The following ATAD2B variants were observed in gnomAD, a reference collection of about 807,000 sequenced individuals.
ATAD2B encodes the protein ATPase family AAA domain containing 2B.
A neutral mutation model predicts 167.6 loss-of-function variants in ATAD2B; 40 were observed. The ratio of observed to expected loss-of-function variants is 0.24; its 90% CI spans 0.19 to 0.31. The LOEUF (loss-of-function observed/expected upper bound fraction) is 0.31. ATAD2B is among the 10% of genes least tolerant of loss of function. The pLI, the probability that ATAD2B is intolerant of heterozygous loss-of-function variation, is 1.00. For missense variants in ATAD2B, 1,242 were observed against 1,757.2 expected, an observed-to-expected ratio of 0.71 and a Z score of 5.24; for synonymous variants, 579 against 596.5, an observed-to-expected ratio of 0.97 and a Z score of 0.43.
intron 8 of ATAD2B, 71 bp from the exon 9 acceptor site, chr2:23,869,832 C>A: frequency 1.1e-6 from 1 of 915,120 alleles, no homozygotes; most frequent in South Asian, 1.6e-5. Flanking sequence ...ACTGTAATAT[C>A]TACAATTAGC....
At chr2:23,885,875 T>C in intron 4 of ATAD2B, 46 bp from the exon 5 acceptor site, 3 of 1,148,430 alleles carry the variant, frequency 2.6e-6, no homozygotes, top group Non-Finnish European at 3.8e-6. Context: ...GGTGGCACCA[T>C]ATACATAAAA....
the ATAD2B span, chr2:23,692,000 C>A: frequency 1.1e-6 from 1 of 913,788 alleles, no homozygotes; most frequent in Non-Finnish European, 1.7e-6. Context: ...TCACATGTGG[C>A]TGAGTTTGGC....
intron 23 of ATAD2B, among the ~76,000 whole-genome samples, chr2:23,764,751 C>A (rs528891611): frequency 3.9e-5 from 6 of 152,306 alleles, no homozygotes; most frequent in South Asian, 4.1e-4. Flanking sequence ...ACCTCTTGAG[C>A]CCTATTTCCA....
At chr2:23,877,500 G>C (rs747206875) in intron 7 of ATAD2B, among the ~76,000 whole-genome samples, 1 of 81,574 alleles carries the variant, frequency 1.2e-5, no homozygotes, top group South Asian at 6.2e-4. Flanking sequence ...GGGAAGGGAA[G>C]GGAAGGGGAG....
intron 17 of ATAD2B, among the ~76,000 whole-genome samples, chr2:23,818,525 T>C (rs1686955581): frequency 6.6e-6 from 1 of 151,628 alleles, no homozygotes; most frequent in African/African-American, 2.4e-5. Flanking sequence ...TTAAAGAACA[T>C]ATGAAGAAAA....
At chr2:23,772,253 C>T (rs1370902693) in intron 22 of ATAD2B, among the ~76,000 whole-genome samples, 1 of 151,952 alleles carries the variant, frequency 6.6e-6, no homozygotes, top group Non-Finnish European at 1.5e-5. Flanking sequence ...GAAAACCAAA[C>T]TTTAATAGTT....
At chr2:23,678,484 C>T in the ATAD2B span, among the ~76,000 whole-genome samples, 10 of 152,192 alleles carry the variant, frequency 6.6e-5, no homozygotes, top group Non-Finnish European at 8.8e-5. Flanking sequence ...TGAGAGACCA[C>T]GTGGAGCAGA....
the ATAD2B span, chr2:23,703,570 T>C: frequency 8.1e-6 from 9 of 1,114,388 alleles, no homozygotes; most frequent in Non-Finnish European, 1.1e-5. Context: ...GGCTCCAGGT[T>C]CCCCTAGGCC....
chr2:23,772,895 G>A (rs1244437364), intron 22 of ATAD2B, among the ~76,000 whole-genome samples: 4 of 152,042 alleles, frequency 2.6e-5, no homozygotes, highest in African/African-American at 7.2e-5. Flanking sequence ...GCGCCACCAC[G>A]CCTGGCTAAT....
chr2:23,758,795 GCAA>G (rs1205767150), intron 24 of ATAD2B, among the ~76,000 whole-genome samples: 4 of 152,180 alleles, frequency 2.6e-5, no homozygotes, highest in South Asian at 2.1e-4. Context: ...TGCTATCAAG[GCAA>G]CAACAACAAC....
chr2:23,824,018 G>A (rs554852483), intron 15 of ATAD2B, among the ~76,000 whole-genome samples: 5 of 151,916 alleles, frequency 3.3e-5, no homozygotes, highest in Non-Finnish European at 5.9e-5. Context: ...GGCACAATCC[G>A]GCTCACTGCA....
chr2:23,816,119 C>T (rs1686402780), intron 17 of ATAD2B, among the ~76,000 whole-genome samples: 1 of 152,106 alleles, frequency 6.6e-6, no homozygotes. Flanking sequence ...ATTCATCTAT[C>T]TGGTTTGTAA....
the ATAD2B span, among the ~76,000 whole-genome samples, chr2:23,695,281 C>T: frequency 2.6e-5 from 4 of 152,162 alleles, no homozygotes; most frequent in Non-Finnish European, 2.9e-5. This position sits in a 1 kb window ranked among gnomAD's most constrained non-coding sequence, Gnocchi z 7.6. Context: ...TTTAACCCCT[C>T]GCCCCTGCCC....
At chr2:23,906,182 C>CA (rs921620381) in intron 1 of ATAD2B, among the ~76,000 whole-genome samples, 12 of 150,090 alleles carry the variant, frequency 8.0e-5, no homozygotes, top group African/African-American at 1.2e-4. Flanking sequence ...ACTAAAAATA[C>CA]AAAAAAAAAT....
the ATAD2B span, chr2:23,703,716 C>A: frequency 6.5e-7 from 1 of 1,534,670 alleles, no homozygotes; most frequent in Non-Finnish European, 8.7e-7. Flanking sequence ...GCTCTCCTCA[C>A]AGACAACAAG....
At chr2:23,757,119 T>C (rs550547861) in intron 25 of ATAD2B, among the ~76,000 whole-genome samples, 2 of 152,256 alleles carry the variant, frequency 1.3e-5, no homozygotes, top group South Asian at 2.1e-4. Flanking sequence ...CTTTCAGTCA[T>C]AAATCCCTGA....
At chr2:23,679,916 C>T in the ATAD2B span, among the ~76,000 whole-genome samples, 3 of 152,060 alleles carry the variant, frequency 2.0e-5, no homozygotes, top group Non-Finnish European at 4.4e-5. Flanking sequence ...GGGACGGAGA[C>T]TTGGAGTGGG....
intron 18 of ATAD2B, among the ~76,000 whole-genome samples, chr2:23,804,508 A>G (rs1684021823): frequency 6.6e-6 from 1 of 152,008 alleles, no homozygotes; most frequent in Non-Finnish European, 1.5e-5. Context: ...ATACAACCAA[A>G]ATGATAGTGA....
At chr2:23,904,135 T>C (rs1701187037) in intron 1 of ATAD2B, among the ~76,000 whole-genome samples, 1 of 151,954 alleles carries the variant, frequency 6.6e-6, no homozygotes, top group Admixed American at 6.6e-5. Flanking sequence ...GAGACAGATA[T>C]GAAACATGGT....
Sources: allele counts gnomAD v4.1 joint callset (sites outside exome capture counted in the v4.1 genomes callset), GRCh38; gene constraint gnomAD v4.1.1; non-coding constraint Gnocchi (gnomAD v3.1); transcripts MANE v1.5; gene names NCBI Gene and HGNC (gene_info 2026-07-23, HGNC 2026-07-21).